The following AUTS2 variants were observed in gnomAD, a reference collection of about 807,000 sequenced individuals.
AUTS2 encodes autism susceptibility gene 2 protein.
AUTS2 carries 17 observed loss-of-function variants against 112.4 expected under a neutral mutation model. The ratio of observed to expected loss-of-function variants is 0.15; its 90% CI spans 0.10 to 0.23. The LOEUF (loss-of-function observed/expected upper bound fraction) is 0.23, where lower values mean the gene tolerates loss of function less well. AUTS2 is among the 10% of genes least tolerant of loss of function. The probability of loss-of-function intolerance (pLI) is 1.00; values close to 1 mark genes in which losing one functional copy is unlikely to be tolerated. For synonymous variants in AUTS2, 751 were observed against 702.7 expected (o/e 1.07, Z -1.09); for missense variants, 1,510 against 1,701.6 (o/e 0.89, Z 1.98).
At chr7:69,607,803 G>A (rs1032696120) in intron 1 of AUTS2, among the ~76,000 whole-genome samples, 1 of 152,202 alleles carries the variant, frequency 6.6e-6, no homozygotes, top group African/African-American at 2.4e-5. Flanking sequence ...AATTGCTAAT[G>A]CAAGTTGGGA....
intron 1 of AUTS2, among the ~76,000 whole-genome samples, chr7:69,820,338 C>T (rs1330132323): frequency 6.6e-6 from 1 of 152,218 alleles, no homozygotes; most frequent in African/African-American, 2.4e-5. Flanking sequence ...AAGTTTAGGT[C>T]AGTGGTTCTC....
chr7:69,917,742 T>C (rs369586360), intron 2 of AUTS2, among the ~76,000 whole-genome samples: 2 of 152,212 alleles, frequency 1.3e-5, no homozygotes, highest in Non-Finnish European at 2.9e-5. Flanking sequence ...CTCCCACTTA[T>C]AAGTGAGAAC....
At chr7:69,893,435 A>G (rs1794609607) in intron 1 of AUTS2, among the ~76,000 whole-genome samples, 1 of 152,234 alleles carries the variant, frequency 6.6e-6, no homozygotes, top group Non-Finnish European at 1.5e-5. Flanking sequence ...ATGGTATACA[A>G]TAAACCAGCA....
intron 2 of AUTS2, among the ~76,000 whole-genome samples, chr7:70,004,519 C>T (rs1420481115): frequency 1.3e-5 from 2 of 148,606 alleles, no homozygotes; most frequent in Non-Finnish European, 3.0e-5. Flanking sequence ...CTAGAAGGAA[C>T]TACAAAAAGT....
At chr7:70,613,982 C>T (rs758132659) in intron 5 of AUTS2, among the ~76,000 whole-genome samples, 13 of 152,176 alleles carry the variant, frequency 8.5e-5, no homozygotes, top group Non-Finnish European at 1.5e-4. Context: ...TTACAGCATG[C>T]CCCAAATGAA....
intron 5 of AUTS2, among the ~76,000 whole-genome samples, chr7:70,521,387 A>G (rs1361203768): frequency 6.6e-6 from 1 of 152,170 alleles, no homozygotes; most frequent in Non-Finnish European, 1.5e-5. Context: ...CAGTCTCCTC[A>G]TGGTGGGCAG....
chr7:70,487,201 C>T (rs11767893), intron 5 of AUTS2, among the ~76,000 whole-genome samples: 50,534 of 151,934 alleles, frequency 0.33, 8,831 homozygotes, highest in African/African-American at 0.42. Context: ...TCTGACTCAT[C>T]TACCTCATCC....
intron 6 of AUTS2, among the ~76,000 whole-genome samples, chr7:70,707,394 G>A (rs1033100114): frequency 3.9e-5 from 6 of 152,058 alleles, no homozygotes; most frequent in Non-Finnish European, 5.9e-5. Context: ...GTAAGTGGTG[G>A]AGCTCGGTCC....
intron 2 of AUTS2, among the ~76,000 whole-genome samples, chr7:70,074,154 G>T (rs6949651): frequency 6.6e-6 from 1 of 152,138 alleles, no homozygotes; most frequent in East Asian, 1.9e-4. Context: ...TCAACTGAAT[G>T]TATTATGCAT....
chr7:69,836,768 T>C (rs1040288013), intron 1 of AUTS2, among the ~76,000 whole-genome samples: 1 of 152,140 alleles, frequency 6.6e-6, no homozygotes, highest in Non-Finnish European at 1.5e-5. Context: ...CTAAAAAAAT[T>C]AACAAATTTT....
intron 1 of AUTS2, among the ~76,000 whole-genome samples, chr7:69,690,517 A>G (rs1797285999): frequency 6.6e-6 from 1 of 152,176 alleles, no homozygotes; most frequent in African/African-American, 2.4e-5. Flanking sequence ...TGTGTGAGCA[A>G]GTGCAGGGTC....
intron 2 of AUTS2, among the ~76,000 whole-genome samples, chr7:69,999,291 G>T (rs1186944421): frequency 6.6e-6 from 1 of 152,106 alleles, no homozygotes; most frequent in East Asian, 1.9e-4. Flanking sequence ...GAATCTGAAG[G>T]CATGGATTGT....
chr7:69,925,761 T>C (rs1023651909), intron 2 of AUTS2, among the ~76,000 whole-genome samples: 2 of 152,160 alleles, frequency 1.3e-5, no homozygotes, highest in African/African-American at 4.8e-5. Context: ...CTCAAGCAGT[T>C]TTCCCTCCTT....
chr7:70,303,439 TACACACACAC>T (rs371608891), intron 4 of AUTS2, among the ~76,000 whole-genome samples: 61 of 143,296 alleles, frequency 4.3e-4, no homozygotes, highest in South Asian at 2.2e-3. Context: ...CGCGCGCACA[TACACACACAC>T]ACACACACAC....
At chr7:70,495,025 C>G (rs999427527) in intron 5 of AUTS2, among the ~76,000 whole-genome samples, 2 of 152,048 alleles carry the variant, frequency 1.3e-5, no homozygotes, top group African/African-American at 4.8e-5. Context: ...ACATCAACAT[C>G]TATGCTGTGT....
intron 15 of AUTS2, 137 bp downstream of exon 15, chr7:70,781,893 A>C (rs888189137): frequency 8.4e-6 from 9 of 1,071,540 alleles, no homozygotes; most frequent in Non-Finnish European, 1.2e-5. Context: ...GCAAGGCAAC[A>C]TCGCAGCACA....
intron 4 of AUTS2, among the ~76,000 whole-genome samples, chr7:70,336,720 C>G (rs1368442846): frequency 6.6e-6 from 1 of 150,702 alleles, no homozygotes; most frequent in Non-Finnish European, 1.5e-5. Context: ...CCACCGAGCA[C>G]CAACACTGCC....
chr7:69,716,488 C>T (rs1353591544), intron 1 of AUTS2, among the ~76,000 whole-genome samples: 1 of 152,204 alleles, frequency 6.6e-6, no homozygotes, highest in East Asian at 1.9e-4. Flanking sequence ...AGGTGTTTTT[C>T]TTATTCTCAG....
chr7:69,817,218 G>A (rs1354795701), intron 1 of AUTS2, among the ~76,000 whole-genome samples: 1 of 152,120 alleles, frequency 6.6e-6, no homozygotes, highest in African/African-American at 2.4e-5. Flanking sequence ...CATAGTAAAG[G>A]GATTGCTAAG....
Sources: gnomAD v4.1 joint callset for allele counts (sites outside exome capture counted in the v4.1 genomes callset) on GRCh38, gnomAD v4.1.1 for gene constraint, MANE v1.5 for transcripts, NCBI Gene and HGNC (gene_info 2026-07-23, HGNC 2026-07-21) for gene names.